PCDHGB7: variants seen among roughly 807,000 people sequenced by gnomAD.
PCDHGB7 encodes the protein protocadherin gamma-B7.
A neutral mutation model predicts 61.4 loss-of-function variants in PCDHGB7; 37 were observed. The ratio of observed to expected loss-of-function variants is 0.60; its 90% CI spans 0.46 to 0.79. The LOEUF (loss-of-function observed/expected upper bound fraction) is 0.79. Ranked by LOEUF, PCDHGB7 falls within the 30% of genes least tolerant of loss-of-function variation. The pLI is 0.00. For synonymous variants in PCDHGB7, 464 were observed against 503.5 expected (o/e 0.92, Z 1.05); for missense variants, 1,166 against 1,202.5 (o/e 0.97, Z 0.45).
In PCDHGB7 at chr5:141,485,049, G is replaced by C. The variant is rs1271101804; in HGVS notation, c.2416-9758G>C. On this transcript the variant is annotated intron_variant, in intron 1 of 3. Coordinates refer to ENST00000398594, the MANE Select transcript of PCDHGB7 (RefSeq NM_018927.4). The surrounding 1 kb of genome is among the most constrained non-coding windows in gnomAD (Gnocchi z 5.7). ...AACGGCGCGTAACCCTTGCGGCGCC[G>C]GCCGAACCGCGCCAGAGCTGGCGCG... 1 of 780,438 alleles carries C rather than the reference G, an allele frequency of 1.3e-6. No homozygotes were observed. The highest frequency in any genetic ancestry group is 2.1e-6 in the Non-Finnish European group (1 of 469,234). The allele number at this position is 780,438 out of a possible 1,614,324, so 48.3% of individuals were successfully genotyped here. A position where few individuals can be genotyped will look rare whatever the true frequency, so the allele number is the denominator to read the frequency against.
intron 3 of PCDHGB7, among the ~76,000 whole-genome samples, chr5:141,507,856 A>T (rs1200072170): frequency 1.3e-5 from 2 of 151,926 alleles, no homozygotes; most frequent in Non-Finnish European, 2.9e-5. Flanking sequence ...TCTCACTTTC[A>T]CACCCGCTTC....
intron 1 of PCDHGB7, among the ~76,000 whole-genome samples, chr5:141,480,098 T>C (rs1415853757): frequency 6.6e-6 from 1 of 152,168 alleles, no homozygotes. Context: ...GTATGCAAAG[T>C]GTTTAGCATG....
chr5:141,463,615 A>G (rs1336539466), intron 1 of PCDHGB7, among the ~76,000 whole-genome samples: 1 of 151,408 alleles, frequency 6.6e-6, no homozygotes, highest in Admixed American at 6.6e-5. Context: ...TGCCCGGCTA[A>G]TTTTTTGTAT....
At chr5:141,451,127 CT>C (rs1264048458) in intron 1 of PCDHGB7, among the ~76,000 whole-genome samples, 1 of 152,132 alleles carries the variant, frequency 6.6e-6, no homozygotes, top group Non-Finnish European at 1.5e-5. Context: ...CACACCCAGC[CT>C]TATGATTGTA....
intron 1 of PCDHGB7, among the ~76,000 whole-genome samples, chr5:141,459,461 G>A (rs1217201752): frequency 6.6e-6 from 1 of 152,214 alleles, no homozygotes; most frequent in Non-Finnish European, 1.5e-5. Flanking sequence ...GGACATTTGA[G>A]TTGTGTCCAG....
intron 1 of PCDHGB7, chr5:141,422,638 T>G (rs1412270971): frequency 6.2e-7 from 1 of 1,612,392 alleles, no homozygotes. Context: ...CAGGGGTGCC[T>G]CCATCTTCTC....
chr5:141,452,494 T>C (rs1186924396), intron 1 of PCDHGB7, among the ~76,000 whole-genome samples: 2 of 152,192 alleles, frequency 1.3e-5, no homozygotes, highest in African/African-American at 4.8e-5. Flanking sequence ...CACACCCATA[T>C]TTATATTTGT....
chr5:141,451,009 T>C (rs1437016950), intron 1 of PCDHGB7, among the ~76,000 whole-genome samples: 1 of 151,566 alleles, frequency 6.6e-6, no homozygotes, highest in East Asian at 1.9e-4. Context: ...GTATTTTTTT[T>C]AGTAGAGACG....
In PCDHGB7 at chr5:141,448,136, A is replaced by G. The variant is rs2098567363; in HGVS notation, c.2415+27862A>G. Among the ~76,000 whole-genome samples, 5 of 152,036 alleles carry G rather than the reference A, an allele frequency of 3.3e-5. No individual in the cohort carries two copies. The South Asian group carries it at 1.0e-3, about 32-fold the overall frequency. On this transcript the variant is annotated intron_variant, in intron 1 of 3. Transcript: ENST00000398594. ...AAAATTAGCCTCCCCCACCCTCACT[A>G]TACCTCAGACTCACCCCTGAAAGAT...
chr5:141,423,226 G>A lies in PCDHGB7; in HGVS notation c.2415+2952G>A, dbSNP rs775936938. On this transcript the variant is annotated intron_variant, in intron 1 of 3. Coordinates refer to ENST00000398594, the MANE Select transcript of PCDHGB7 (RefSeq NM_018927.4). The stretch of plus-strand genomic sequence containing the variant: ...CGTCACGCTCACCGTGGCTGTGGCC[G>A]ACAGCATCCCCGAAGTCCTGGCGGA... The A allele has an allele frequency of 2.2e-5, 36 of 1,613,708 alleles. No homozygotes were observed. The highest frequency in any genetic ancestry group is 2.6e-5 in the Non-Finnish European group (31 of 1,180,034).
intron 1 of PCDHGB7, among the ~76,000 whole-genome samples, chr5:141,450,830 T>TTTA (rs1554136905): frequency 6.9e-5 from 7 of 101,548 alleles, no homozygotes; most frequent in East Asian, 2.6e-4. Flanking sequence ...ATTATTATTA[T>TTTA]TTTTTTTTTT....
At chr5:141,461,592 A>G (rs777372149) in intron 1 of PCDHGB7, among the ~76,000 whole-genome samples, 4 of 152,148 alleles carry the variant, frequency 2.6e-5, no homozygotes, top group African/African-American at 2.4e-5. Flanking sequence ...TTATATTTCC[A>G]TTATAATTTA....
rs2099756055 is a variant in PCDHGB7, at chr5:141,494,679, C to T, written c.2416-128C>T. The T allele has an allele frequency of 3.9e-6, 6 of 1,556,494 alleles. No homozygotes were observed. In the South Asian group the frequency reaches 4.7e-5, roughly 12 times the overall value. ...GTCTTTGGAGATGAGTCCACCCCTG[C>T]CCCCTCTTAGTCCGTTTTCTTCTCT... is the stretch of plus-strand genomic sequence containing the variant. On this transcript the variant is annotated intron_variant, in intron 1 of 3. Coordinates refer to ENST00000398594, the MANE Select transcript of PCDHGB7 (RefSeq NM_018927.4).
rs776211508 is a variant in PCDHGB7, at chr5:141,491,001, C to T, written c.2416-3806C>T. On this transcript the variant is annotated intron_variant, in intron 1 of 3. Transcript: ENST00000398594. The surrounding 1 kb of genome is among the most constrained non-coding windows in gnomAD (Gnocchi z 6.9). The stretch of plus-strand genomic sequence containing the variant: ...TCCCTCGCTCTGCTCCTCCTGGCTC[C>T]TTGGTCACCAAGGTGACAGCCGTGG... The T allele has an allele frequency of 6.2e-7, 1 of 1,614,140 alleles. No individual in the cohort carries two copies. Among genetic ancestry groups the T allele is most frequent in the Non-Finnish European group, 8.5e-7 (1 of 1,180,044 alleles).
chr5:141,503,392 C>T lies in PCDHGB7; in HGVS notation c.2475-2001C>T, dbSNP rs554732406. 1.2e-4 allele frequency among the ~76,000 whole-genome samples: 18 copies of T among 151,870 alleles called. No individual in the cohort carries two copies. The South Asian group carries it at 3.5e-3, about 30-fold the overall frequency. On this transcript the variant is annotated intron_variant, in intron 2 of 3. Transcript: ENST00000398594. ...CAGGTGGATCATGAGGTCAGGAGTT[C>T]GAAACCAACCTGGCCAATATGGTGA...
intron 1 of PCDHGB7, among the ~76,000 whole-genome samples, chr5:141,467,395 G>A (rs1197131223): frequency 6.6e-6 from 1 of 152,056 alleles, no homozygotes; most frequent in African/African-American, 2.4e-5. Flanking sequence ...TTAAGTCATA[G>A]TTAGAAAGCC....
chr5:141,427,138 A>G (rs1397576025), intron 1 of PCDHGB7: 1 of 456,954 alleles, frequency 2.2e-6, no homozygotes, highest in Non-Finnish European at 4.4e-6. Context: ...CTACGAGATG[A>G]TATTGGAAAT....
At position 141,420,028 on chromosome 5, in the gene PCDHGB7, A is replaced by C; in HGVS notation, c.2169A>C (p.Ala723=). ...TGCGACAGTCTTTCAGCCCTACTGCAGGAGACTGCTTTGAGTCAGTTCTCT... is the reference window on the plus strand; with the variant it reads ...TGCGACAGTCTTTCAGCCCTACTGCCGGAGACTGCTTTGAGTCAGTTCTCT... ...LRLRQSFSPT[A]GDCFESVLCS... is the part of the protein sequence containing the mutation. The change falls in exon 1 of 4, where the codon GCA becomes GCC. Residue 723 remains alanine (A), a synonymous_variant. Transcript: ENST00000398594. The C allele has an allele frequency of 1.2e-6, 2 of 1,614,076 alleles. No individual in the cohort carries two copies. The highest frequency in any genetic ancestry group is 1.7e-6 in the Non-Finnish European group (2 of 1,179,908).
chr5:141,448,803 G>A (rs2098607666), intron 1 of PCDHGB7, among the ~76,000 whole-genome samples: 2 of 152,020 alleles, frequency 1.3e-5, no homozygotes, highest in South Asian at 4.1e-4. Flanking sequence ...AAATTAGCCA[G>A]GCGTGATGGC....
Sources: allele counts gnomAD v4.1 joint callset (sites outside exome capture counted in the v4.1 genomes callset), GRCh38; gene constraint gnomAD v4.1.1; non-coding constraint Gnocchi (gnomAD v3.1); transcripts MANE v1.5; gene names NCBI Gene and HGNC (gene_info 2026-07-23, HGNC 2026-07-21).